Variants in KIRREL3 observed in about 807,000 individuals in gnomAD.
KIRREL3 encodes kirre like nephrin family adhesion molecule 3.
In KIRREL3, 36 loss-of-function variants were observed where a neutral mutation model predicts 89.7. The observed-to-expected ratio is 0.40, with a 90% CI of 0.31 to 0.53. KIRREL3 has a LOEUF of 0.53. KIRREL3 is among the 20% of genes least tolerant of loss of function. The pLI, the probability that KIRREL3 is intolerant of heterozygous loss-of-function variation, is 0.49. For synonymous variants in KIRREL3, 445 were observed against 441.4 expected, an observed-to-expected ratio of 1.01 and a Z score of -0.10; for missense variants, 864 against 1,056.6, an observed-to-expected ratio of 0.82 and a Z score of 2.53.
In KIRREL3 at chr11:126,462,582, C is replaced by T. The variant is rs1441877940; in HGVS notation, c.742+575G>A. Among the ~76,000 whole-genome samples, 1 of 152,168 alleles carries T rather than the reference C, an allele frequency of 6.6e-6. No individual in the cohort carries two copies. Among genetic ancestry groups the T allele is most frequent in the East Asian group, 1.9e-4 (1 of 5,194 alleles). On this transcript the variant is annotated intron_variant, in intron 6 of 16. Transcript: ENST00000525144. This position sits in a 1 kb window ranked among gnomAD's most constrained non-coding sequence, Gnocchi z 4.8. ...CAGGCAGGCTAAGACAGGAGAATCG[C>T]TTGAACCTGGGCAGCAGAGGTTGCA... is the stretch of plus-strand genomic sequence containing the variant.
intron 1 of KIRREL3, among the ~76,000 whole-genome samples, chr11:126,865,305 A>G (rs148315268): frequency 1.5e-4 from 23 of 152,368 alleles, no homozygotes; most frequent in African/African-American, 4.8e-4. Context: ...CAGACTAAGA[A>G]GGCTCTCAGT....
At chr11:126,737,101 C>T (rs592668) in intron 1 of KIRREL3, among the ~76,000 whole-genome samples, 3 of 152,192 alleles carry the variant, frequency 2.0e-5, no homozygotes, top group African/African-American at 7.2e-5. Flanking sequence ...TGGAATCTGC[C>T]TGAGAGGGTG....
intron 1 of KIRREL3, among the ~76,000 whole-genome samples, chr11:126,675,757 G>T (rs1051164617): frequency 2.6e-5 from 4 of 152,194 alleles, no homozygotes; most frequent in African/African-American, 9.6e-5. Context: ...ATAGGAATTT[G>T]AACTTTATTC....
chr11:126,956,599 TG>T (rs1948929361), intron 1 of KIRREL3, among the ~76,000 whole-genome samples: 1 of 152,300 alleles, frequency 6.6e-6, no homozygotes, highest in African/African-American at 2.4e-5. Context: ...TGATGATTTT[TG>T]TTAGGGGTGG....
At chr11:126,832,559 A>G (rs894237522) in intron 1 of KIRREL3, among the ~76,000 whole-genome samples, 9 of 152,142 alleles carry the variant, frequency 5.9e-5, no homozygotes, top group Admixed American at 1.3e-4. Flanking sequence ...ACTCAGAGCT[A>G]GTGCTCTGTA....
chr11:126,882,367 T>C (rs905442959), intron 1 of KIRREL3, among the ~76,000 whole-genome samples: 10 of 152,220 alleles, frequency 6.6e-5, no homozygotes, highest in Non-Finnish European at 1.2e-4. Context: ...CTGAACCTCC[T>C]CTTTCTATCC....
At chr11:126,604,229 G>A (rs558044677) in intron 1 of KIRREL3, among the ~76,000 whole-genome samples, 91 of 152,218 alleles carry the variant, frequency 6.0e-4, no homozygotes, top group African/African-American at 1.9e-3. Context: ...TTTCTGAACC[G>A]AAAACGAGGA....
In KIRREL3 at chr11:126,867,882, A is replaced by G. The variant is rs921478859; in HGVS notation, c.55+132573T>C. Among the ~76,000 whole-genome samples the G allele has an allele frequency of 6.6e-6, 1 of 152,132 alleles. No homozygotes were observed. Among genetic ancestry groups the G allele is most frequent in the Non-Finnish European group, 1.5e-5 (1 of 68,034 alleles). On this transcript the variant is annotated intron_variant, in intron 1 of 16. Transcript: ENST00000525144. This position sits in a 1 kb window ranked among gnomAD's most constrained non-coding sequence, Gnocchi z 4.7. ...AAACTGTGGACTCCCCACGGATGCCATGCATGTCTTATATATCTGTATCCC... is the reference window on the plus strand; with the variant it reads ...AAACTGTGGACTCCCCACGGATGCCGTGCATGTCTTATATATCTGTATCCC...
In KIRREL3 at chr11:126,558,923, GTGTA is replaced by G. The variant is rs1414163937; in HGVS notation, c.133+3908_133+3911del. ...ATGCATGCAGGTGTGTGCATTGTGT[GTGTA>G]TGTGTGTGTGCATGCTCATGTGTGT... On this transcript the variant is annotated intron_variant, in intron 2 of 16. Coordinates refer to ENST00000525144, the MANE Select transcript of KIRREL3 (RefSeq NM_032531.4). This position sits in a 1 kb window ranked among gnomAD's most constrained non-coding sequence, Gnocchi z 4.0. Among the ~76,000 whole-genome samples the G allele has an allele frequency of 6.6e-6, 1 of 152,164 alleles. No homozygotes were observed. Among genetic ancestry groups the G allele is most frequent in the African/African-American group, 2.4e-5 (1 of 41,432 alleles).
At chr11:126,494,881 C>A (rs1003079166) in intron 4 of KIRREL3, among the ~76,000 whole-genome samples, 9 of 152,232 alleles carry the variant, frequency 5.9e-5, no homozygotes. Context: ...CCATCGGGAC[C>A]CCTGTGGGAT....
intron 1 of KIRREL3, among the ~76,000 whole-genome samples, chr11:126,972,644 T>G (rs1949458208): frequency 2.0e-5 from 3 of 152,230 alleles, no homozygotes; most frequent in African/African-American, 7.2e-5. Context: ...TCAGCTCTTC[T>G]GACATGCCCA....
At position 126,521,095 on chromosome 11, in the gene KIRREL3, C is replaced by T. The variant is rs186487269; in HGVS notation, c.433+220G>A. Among the ~76,000 whole-genome samples the T allele has an allele frequency of 3.9e-5, 6 of 152,332 alleles. No individual in the cohort carries two copies. The South Asian group carries it at 1.0e-3, about 26-fold the overall frequency. On this transcript the variant is annotated intron_variant, in intron 4 of 16. Coordinates refer to ENST00000525144, the MANE Select transcript of KIRREL3 (RefSeq NM_032531.4). The surrounding 1 kb of genome is among the most constrained non-coding windows in gnomAD (Gnocchi z 4.1). Reference sequence around the variant, plus strand: ...AAACACGCCGGGGTTGGACTGAGTCCGCTGGCATTGGCTGTCTGGTTTACT... The same window carrying T: ...AAACACGCCGGGGTTGGACTGAGTCTGCTGGCATTGGCTGTCTGGTTTACT...
chr11:126,951,348 C>T (rs531543861), intron 1 of KIRREL3, among the ~76,000 whole-genome samples: 1 of 152,322 alleles, frequency 6.6e-6, no homozygotes, highest in South Asian at 2.1e-4. Context: ...TACATTTTCT[C>T]TAACTAGAAC....
At chr11:126,738,504 G>A (rs958596408) in intron 1 of KIRREL3, among the ~76,000 whole-genome samples, 7 of 152,150 alleles carry the variant, frequency 4.6e-5, no homozygotes, top group African/African-American at 1.2e-4. Flanking sequence ...GAGCACTAAT[G>A]GAGTCCGTTA....
chr11:126,942,938 A>G (rs1349295874), intron 1 of KIRREL3, among the ~76,000 whole-genome samples: 6 of 152,196 alleles, frequency 3.9e-5, no homozygotes, highest in Non-Finnish European at 7.3e-5. Flanking sequence ...CGGCTCGTTA[A>G]CATGCAGGCA....
At position 126,485,693 on chromosome 11, in the gene KIRREL3, T is replaced by C. The variant is rs1448523288; in HGVS notation, c.434-12227A>G. Among the ~76,000 whole-genome samples the C allele has an allele frequency of 6.6e-6, 1 of 152,244 alleles. No homozygotes were observed. Among genetic ancestry groups the C allele is most frequent in the Non-Finnish European group, 1.5e-5 (1 of 68,050 alleles). On this transcript the variant is annotated intron_variant, in intron 4 of 16. Coordinates refer to ENST00000525144, the MANE Select transcript of KIRREL3 (RefSeq NM_032531.4). This position sits in a 1 kb window ranked among gnomAD's most constrained non-coding sequence, Gnocchi z 5.8. ...TCCACATGGGGGCAGAGTAGCATAT[T>C]GCATGTGAAATGGGCTTGTTTCCAC... is the stretch of plus-strand genomic sequence containing the variant.
chr11:126,649,134 C>G (rs1290827881), intron 1 of KIRREL3, among the ~76,000 whole-genome samples: 1 of 152,126 alleles, frequency 6.6e-6, no homozygotes, highest in Non-Finnish European at 1.5e-5. Context: ...ACCCCTAGAA[C>G]AGTAAGGGGG....
In KIRREL3 at chr11:126,519,835, C is replaced by G. The variant is rs1040157905; in HGVS notation, c.433+1480G>C. ...CCACACCACATGGCAGACTCATTCT[C>G]ATTTTAGTCACCGTCTTGGGAGAAA... On this transcript the variant is annotated intron_variant, in intron 4 of 16. Transcript: ENST00000525144. This position sits in a 1 kb window ranked among gnomAD's most constrained non-coding sequence, Gnocchi z 4.3. 6.6e-6 allele frequency among the ~76,000 whole-genome samples: 1 copy of G among 152,214 alleles called. No homozygotes were observed. Among genetic ancestry groups the G allele is most frequent in the Non-Finnish European group, 1.5e-5 (1 of 68,042 alleles).
At chr11:126,662,252 A>G (rs866888883) in intron 1 of KIRREL3, among the ~76,000 whole-genome samples, 1 of 152,194 alleles carries the variant, frequency 6.6e-6, no homozygotes, top group African/African-American at 2.4e-5. Flanking sequence ...CTAAGAGCCC[A>G]TTACCATAAC....
Sources: gnomAD v4.1 joint callset for allele counts (sites outside exome capture counted in the v4.1 genomes callset) on GRCh38, gnomAD v4.1.1 for gene constraint, Gnocchi (gnomAD v3.1) non-coding constraint, MANE v1.5 for transcripts, NCBI Gene and HGNC (gene_info 2026-07-23, HGNC 2026-07-21) for gene names.